The following TECRL variants were observed in gnomAD, a reference collection of about 807,000 sequenced individuals.
TECRL encodes the protein trans-2,3-enoyl-CoA reductase like.
Under a neutral mutation model 52.8 loss-of-function variants are expected in TECRL, and 63 were observed. The observed-to-expected ratio is 1.19, with a 90% CI of 0.97 to 1.47. The LOEUF is 1.47. Among genes scored for constraint, TECRL ranks in the 40% most tolerant of loss-of-function variants. The pLI is 0.00. For synonymous variants in TECRL, 164 were observed against 141.9 expected, an observed-to-expected ratio of 1.16 and a Z score of -1.10; for missense variants, 482 against 429.6, an observed-to-expected ratio of 1.12 and a Z score of -1.08.
At chr4:64,283,013 T>C (rs574652020) in intron 9 of TECRL, among the ~76,000 whole-genome samples, 1 of 152,090 alleles carries the variant, frequency 6.6e-6, no homozygotes, top group African/African-American at 2.4e-5. Flanking sequence ...GGAGTGCTAC[T>C]GGCAGAGAAA....
chr4:64,375,249 A>AT, intron 1 of TECRL, 26 bp from the exon 2 acceptor site: 1 of 1,228,166 alleles, frequency 8.1e-7, no homozygotes, highest in Admixed American at 3.3e-5. Flanking sequence ...AAATAGAGTT[A>AT]TTTTTAAAAA....
intron 3 of TECRL, 34 bp from the exon 4 acceptor site, chr4:64,322,826 A>G: frequency 6.8e-7 from 1 of 1,478,812 alleles, no homozygotes; most frequent in Non-Finnish European, 9.3e-7. Flanking sequence ...TTTTATTTTA[A>G]TACAATTTCT....
At chr4:64,347,610 G>T (rs1720079617) in intron 2 of TECRL, among the ~76,000 whole-genome samples, 1 of 152,108 alleles carries the variant, frequency 6.6e-6, no homozygotes, top group South Asian at 2.1e-4. Context: ...TTCTTCACAA[G>T]GTTGCAGGAG....
rs534643480 is a variant in TECRL at position 64,278,574 on chromosome 4, G to T, written c.*1498C>A. 1 of 157,324 alleles carries T rather than the reference G, an allele frequency of 6.4e-6. No individual in the cohort carries two copies. The highest frequency in any genetic ancestry group is 2.4e-5 in the African/African-American group (1 of 41,616). The allele number at this position is 157,324 out of a possible 1,614,324, so 9.7% of individuals were successfully genotyped here. On this transcript the variant is annotated 3_prime_UTR_variant, in exon 12 of 12. Coordinates refer to ENST00000381210, the MANE Select transcript of TECRL (RefSeq NM_001010874.5). ...TAGTGGTCAGATCAGAGAAATTAGA[G>T]TATCCATGGTTTCAAATATTTATCA...
At chr4:64,289,199 C>T (rs1723242401) in intron 9 of TECRL, among the ~76,000 whole-genome samples, 2 of 152,300 alleles carry the variant, frequency 1.3e-5, no homozygotes, top group Admixed American at 1.3e-4. Flanking sequence ...TTCAAAACCA[C>T]AGTTACTTTT....
At chr4:64,306,543 G>A (rs951594776) in intron 6 of TECRL, among the ~76,000 whole-genome samples, 3 of 152,092 alleles carry the variant, frequency 2.0e-5, no homozygotes, top group African/African-American at 4.8e-5. Context: ...TTTGCAACCA[G>A]GAGAGATAAT....
At chr4:64,315,874 T>C (rs1717463280) in intron 4 of TECRL, among the ~76,000 whole-genome samples, 1 of 152,116 alleles carries the variant, frequency 6.6e-6, no homozygotes, top group South Asian at 2.1e-4. Flanking sequence ...AATATATATA[T>C]ATTTTCTCAT....
intron 2 of TECRL, among the ~76,000 whole-genome samples, chr4:64,344,086 G>A (rs1360092936): frequency 2.0e-5 from 3 of 151,954 alleles, no homozygotes; most frequent in Non-Finnish European, 1.5e-5. Flanking sequence ...GTTACCATTT[G>A]CATTGATTTG....
Position 64,280,024 on chromosome 4 carries a change from T to A in TECRL, c.*48A>T. The A allele has an allele frequency of 6.5e-7, 1 of 1,543,284 alleles. No individual in the cohort carries two copies. The highest frequency in any genetic ancestry group is 8.7e-7 in the Non-Finnish European group (1 of 1,144,478). On this transcript the variant is annotated 3_prime_UTR_variant, in exon 12 of 12. Coordinates refer to ENST00000381210, the MANE Select transcript of TECRL (RefSeq NM_001010874.5). Reference sequence around the variant, plus strand: ...TAACTATCCTTAACTAAGTCTTATTTATTGAATTTATATGTTGCTGTTTTC... The same window carrying A: ...TAACTATCCTTAACTAAGTCTTATTAATTGAATTTATATGTTGCTGTTTTC...
At chr4:64,294,816 A>T (rs192089598) in intron 8 of TECRL, among the ~76,000 whole-genome samples, 1 of 152,038 alleles carries the variant, frequency 6.6e-6, no homozygotes, top group South Asian at 2.1e-4. Flanking sequence ...ACCTGAATCA[A>T]TATTTCAAAA....
At chr4:64,297,995 A>G (rs1723780879) in intron 8 of TECRL, among the ~76,000 whole-genome samples, 1 of 151,138 alleles carries the variant, frequency 6.6e-6, no homozygotes. Context: ...TTATTTCTAA[A>G]TTTGGTTTTC....
chr4:64,386,518 C>A (rs570892074), intron 1 of TECRL, among the ~76,000 whole-genome samples: 1 of 152,122 alleles, frequency 6.6e-6, no homozygotes, highest in South Asian at 2.1e-4. Flanking sequence ...ATATATATGT[C>A]AGCGTAGAGG....
intron 1 of TECRL, among the ~76,000 whole-genome samples, chr4:64,379,034 G>T (rs1577963909): frequency 6.6e-6 from 1 of 150,952 alleles, no homozygotes; most frequent in Admixed American, 6.6e-5. Context: ...ATAACAATTT[G>T]GTTAATATCA....
intron 9 of TECRL, among the ~76,000 whole-genome samples, chr4:64,289,290 A>T (rs1723246468): frequency 2.0e-5 from 3 of 152,218 alleles, no homozygotes; most frequent in Non-Finnish European, 4.4e-5. Context: ...TTTCAATGAA[A>T]GATTACCATC....
chr4:64,357,101 T>C (rs749975301), intron 2 of TECRL, among the ~76,000 whole-genome samples: 94 of 152,290 alleles, frequency 6.2e-4, no homozygotes, highest in Non-Finnish European at 1.0e-3. Context: ...AGATAGTTCT[T>C]ATATAATGCC....
intron 1 of TECRL, among the ~76,000 whole-genome samples, chr4:64,407,772 AT>A (rs1343696672): frequency 6.6e-5 from 10 of 150,640 alleles, no homozygotes; most frequent in African/African-American, 2.4e-4. Flanking sequence ...GAGTAATTTT[AT>A]TTTTTTATTT....
At chr4:64,333,759 G>C (rs1718822462) in intron 2 of TECRL, among the ~76,000 whole-genome samples, 2 of 127,120 alleles carry the variant, frequency 1.6e-5, no homozygotes, top group Non-Finnish European at 3.3e-5. Context: ...GGTGGCTCAC[G>C]CCTGTAATCC....
At chr4:64,321,385 T>C (rs918931921) in intron 4 of TECRL, among the ~76,000 whole-genome samples, 26 of 152,218 alleles carry the variant, frequency 1.7e-4, no homozygotes, top group Admixed American at 8.5e-4. Flanking sequence ...TGTTGATTGA[T>C]TGTTAATTGT....
chr4:64,346,619 G>A (rs553539529), intron 2 of TECRL, among the ~76,000 whole-genome samples: 6 of 152,366 alleles, frequency 3.9e-5, no homozygotes, highest in Middle Eastern at 6.8e-3. Context: ...AACAAGTCCT[G>A]AGACTGCACA....
Sources: gnomAD v4.1 joint callset for allele counts (sites outside exome capture counted in the v4.1 genomes callset) on GRCh38, gnomAD v4.1.1 for gene constraint, MANE v1.5 for transcripts, NCBI Gene and HGNC (gene_info 2026-07-23, HGNC 2026-07-21) for gene names.